NRG1: variants seen among roughly 807,000 people sequenced by gnomAD.
NRG1 encodes pro-neuregulin-1, membrane-bound isoform.
Under a neutral mutation model 63.8 loss-of-function variants are expected in NRG1, and 18 were observed. The observed-to-expected ratio is 0.28, with a 90% CI of 0.19 to 0.42. The LOEUF (loss-of-function observed/expected upper bound fraction) is 0.42, where lower values mean the gene tolerates loss of function less well. Ranked by LOEUF, NRG1 falls within the 10% of genes least tolerant of loss-of-function variation. The pLI, the probability that NRG1 is intolerant of heterozygous loss-of-function variation, is 1.00. For synonymous variants in NRG1, 302 were observed against 301.3 expected (o/e 1.00, Z -0.02); for missense variants, 762 against 814.7 (o/e 0.94, Z 0.79).
chr8:32,339,352 T>G (rs940102808), intron 1 of NRG1, among the ~76,000 whole-genome samples: 3 of 152,214 alleles, frequency 2.0e-5, no homozygotes, highest in Admixed American at 2.0e-4. Flanking sequence ...ACTTTGTCTC[T>G]TAGATATCTT....
At chr8:31,910,894 G>A (rs1832884610) in intron 1 of NRG1, among the ~76,000 whole-genome samples, 3 of 152,142 alleles carry the variant, frequency 2.0e-5, no homozygotes, top group Admixed American at 1.3e-4. Context: ...TTTGAATGCT[G>A]CTGAGAAGTC....
intron 1 of NRG1, among the ~76,000 whole-genome samples, chr8:32,540,858 AAAC>A (rs1319268827): frequency 1.3e-5 from 2 of 152,086 alleles, no homozygotes; most frequent in Non-Finnish European, 2.9e-5. Context: ...TAGGCAGGAA[AAAC>A]AACATTTTCC....
At chr8:31,657,451 G>A (rs1232210911) in intron 1 of NRG1, among the ~76,000 whole-genome samples, 1 of 152,184 alleles carries the variant, frequency 6.6e-6, no homozygotes. Context: ...CCAATGGTTT[G>A]TAAAATGGGT....
At chr8:31,662,826 G>T (rs1288190823) in intron 1 of NRG1, among the ~76,000 whole-genome samples, 1 of 152,150 alleles carries the variant, frequency 6.6e-6, no homozygotes, top group African/African-American at 2.4e-5. Context: ...AGAACTTATT[G>T]TTGGGATGAA....
chr8:32,019,894 C>T (rs1349402991), intron 1 of NRG1, among the ~76,000 whole-genome samples: 1 of 152,078 alleles, frequency 6.6e-6, no homozygotes, highest in East Asian at 1.9e-4. Flanking sequence ...CTCGTTTGGT[C>T]TATTCTGTTA....
chr8:32,521,686 T>C (rs1248549398), intron 1 of NRG1, among the ~76,000 whole-genome samples: 1 of 152,186 alleles, frequency 6.6e-6, no homozygotes, highest in African/African-American at 2.4e-5. Flanking sequence ...GTTTCAAAGA[T>C]TGAAACTGAG....
intron 5 of NRG1, among the ~76,000 whole-genome samples, chr8:32,628,733 CTT>C (rs66843732): frequency 0.032 from 4,461 of 138,050 alleles, 131 homozygotes; most frequent in African/African-American, 0.084. Flanking sequence ...ACTTTCTGCC[CTT>C]TTTTTTTTTT....
chr8:32,484,694 G>A (rs1403569314), intron 1 of NRG1, among the ~76,000 whole-genome samples: 2 of 151,912 alleles, frequency 1.3e-5, no homozygotes, highest in African/African-American at 4.8e-5. Context: ...CTTAGAAAAG[G>A]GGCTTTTTGG....
intron 1 of NRG1, among the ~76,000 whole-genome samples, chr8:32,256,162 C>T (rs1849679793): frequency 1.3e-5 from 2 of 151,444 alleles, no homozygotes; most frequent in African/African-American, 4.8e-5. Context: ...CTTGTTATTA[C>T]CCACCTTCTG....
chr8:32,763,929 C>T, exon 12 of NRG1: 5 of 1,614,022 alleles, frequency 3.1e-6, no homozygotes, highest in Non-Finnish European at 4.2e-6. Flanking sequence ...CGTGACACCA[C>T]CAAGGCTGCG....
Position 32,379,216 on chromosome 8 carries a change from A to G in NRG1, c.38-216612A>G, listed in dbSNP as rs990288502. Reference sequence around the variant, plus strand: ...TTCTGAAGAGCAAAAGAGACTATAAAAAAACACTTATCAAACATGAGAGAT... The same window carrying G: ...TTCTGAAGAGCAAAAGAGACTATAAGAAAACACTTATCAAACATGAGAGAT... On this transcript the variant is annotated intron_variant, in intron 1 of 10. Transcript: ENST00000519301. Among the ~76,000 whole-genome samples the G allele has an allele frequency of 2.0e-5, 3 of 152,166 alleles. No individual in the cohort carries two copies. The South Asian group carries it at 6.2e-4, about 31-fold the overall frequency.
chr8:32,556,189 T>C lies in NRG1; in HGVS notation c.100+7363T>C, dbSNP rs143692779. On this transcript the variant is annotated intron_variant, in intron 1 of 11. Transcript: ENST00000356819. ...TGAAAAAGTAATTTGACTTTACTTA[T>C]TCTTTACATATTCTTTAAGTAATAA... Among the ~76,000 whole-genome samples the C allele has an allele frequency of 3.9e-5, 6 of 152,398 alleles. No homozygotes were observed. The East Asian group carries it at 1.2e-3, about 29-fold the overall frequency.
intron 1 of NRG1, among the ~76,000 whole-genome samples, chr8:31,707,695 T>G (rs1234715354): frequency 6.6e-6 from 1 of 152,160 alleles, no homozygotes; most frequent in African/African-American, 2.4e-5. Flanking sequence ...GCACATCAAC[T>G]TTATCAGCTT....
chr8:31,943,133 C>G (rs1281363559), intron 1 of NRG1, among the ~76,000 whole-genome samples: 2 of 152,082 alleles, frequency 1.3e-5, no homozygotes, highest in Admixed American at 1.3e-4. Flanking sequence ...GCCCATCAAT[C>G]AACCAGTGGA....
chr8:32,756,336 A>C (rs1829680744), intron 8 of NRG1, 67 bp from the exon 9 acceptor site: 1 of 1,563,730 alleles, frequency 6.4e-7, no homozygotes, highest in Non-Finnish European at 8.7e-7. Flanking sequence ...TGGTAGAATA[A>C]AGACTTGGCT....
At chr8:32,044,583 T>C (rs940132012) in intron 1 of NRG1, among the ~76,000 whole-genome samples, 1 of 151,726 alleles carries the variant, frequency 6.6e-6, no homozygotes, top group Non-Finnish European at 1.5e-5. Flanking sequence ...TTATGGCAAG[T>C]TCATGGAATT....
At chr8:32,743,142 T>A (rs899248545) in intron 7 of NRG1, 1 of 994,426 alleles carries the variant, frequency 1.0e-6, no homozygotes, top group Non-Finnish European at 1.2e-6. Context: ...GTTGCTAAGC[T>A]GTAACCGATA....
chr8:32,161,847 A>G (rs1327282460), intron 1 of NRG1, among the ~76,000 whole-genome samples: 6 of 152,192 alleles, frequency 3.9e-5, no homozygotes, highest in African/African-American at 1.4e-4. Context: ...GAGAGAAAAA[A>G]GCATGTACAT....
At chr8:32,618,768 C>A (rs546614965) in intron 5 of NRG1, among the ~76,000 whole-genome samples, 1 of 152,008 alleles carries the variant, frequency 6.6e-6, no homozygotes, top group East Asian at 1.9e-4. Context: ...GAAGGTGCTA[C>A]GTAGTCCAAA....
Sources: allele counts gnomAD v4.1 joint callset (sites outside exome capture counted in the v4.1 genomes callset), GRCh38; gene constraint gnomAD v4.1.1; transcripts MANE v1.5; gene names NCBI Gene and HGNC (gene_info 2026-07-23, HGNC 2026-07-21).